The following CSMD1 variants were observed in gnomAD, a reference collection of about 807,000 sequenced individuals.
CSMD1 encodes the protein CUB and Sushi multiple domains 1.
CSMD1 carries 213 observed loss-of-function variants against 417.5 expected under a neutral mutation model. That is an observed-to-expected ratio of 0.51 (90% confidence interval 0.46 to 0.57). CSMD1 has a LOEUF of 0.57. Ranked by LOEUF, CSMD1 falls within the 20% of genes least tolerant of loss-of-function variation. CSMD1 has a pLI of 0.00. For synonymous variants in CSMD1, 2,862 were observed against 1,736.8 expected, an observed-to-expected ratio of 1.65 and a Z score of -16.11; for missense variants, 6,923 against 4,529.7, an observed-to-expected ratio of 1.53 and a Z score of -15.17.
chr8:3,562,766 T>C lies in CSMD1; in HGVS notation c.1344+12179A>G, dbSNP rs1799524247. The stretch of plus-strand genomic sequence containing the variant: ...AAAATAATAATAATACGGAGCCTAT[T>C]GGAGGGTGGAGGGTGGGAGGGGGAA... On this transcript the variant is annotated intron_variant, in intron 10 of 69. Transcript: ENST00000635120. Among the ~76,000 whole-genome samples the C allele has an allele frequency of 2.0e-5, 3 of 151,802 alleles. No homozygotes were observed. In the South Asian group the frequency reaches 6.2e-4, roughly 31 times the overall value.
intron 2 of CSMD1, among the ~76,000 whole-genome samples, chr8:4,511,813 T>G (rs1221182816): frequency 6.6e-6 from 1 of 152,152 alleles, no homozygotes; most frequent in African/African-American, 2.4e-5. Flanking sequence ...CTACACATTA[T>G]GAGTTTTACT....
chr8:3,276,689 CT>C (rs1563215612), intron 26 of CSMD1, among the ~76,000 whole-genome samples: 1 of 152,068 alleles, frequency 6.6e-6, no homozygotes, highest in East Asian at 1.9e-4. Flanking sequence ...TTATTAAAGG[CT>C]TTACTATGAA....
chr8:3,880,767 T>C (rs1289987468), intron 5 of CSMD1, among the ~76,000 whole-genome samples: 1 of 152,186 alleles, frequency 6.6e-6, no homozygotes, highest in Non-Finnish European at 1.5e-5. Context: ...CCAAAATTTG[T>C]CTCACGAAAA....
chr8:4,150,840 C>T (rs566276695), intron 3 of CSMD1, among the ~76,000 whole-genome samples: 1 of 151,834 alleles, frequency 6.6e-6, no homozygotes, highest in South Asian at 2.1e-4. Context: ...ACAGAATAAC[C>T]TTAACAATAT....
At chr8:3,150,292 G>A (rs193171117) in intron 40 of CSMD1, among the ~76,000 whole-genome samples, 202 of 152,318 alleles carry the variant, frequency 1.3e-3, no homozygotes, top group African/African-American at 4.8e-3. Flanking sequence ...ATCACTGGGA[G>A]GTGACGGACT....
At chr8:3,176,661 T>C (rs1820954044) in intron 37 of CSMD1, among the ~76,000 whole-genome samples, 1 of 152,178 alleles carries the variant, frequency 6.6e-6, no homozygotes, top group Non-Finnish European at 1.5e-5. Context: ...TCCCTCCCAC[T>C]TTAACAACGT....
At chr8:4,550,331 A>G (rs775331092) in intron 2 of CSMD1, among the ~76,000 whole-genome samples, 185 of 76,300 alleles carry the variant, frequency 2.4e-3, no homozygotes, top group Non-Finnish European at 3.6e-3. Flanking sequence ...ACACACACGC[A>G]CACACACACA....
At chr8:4,651,590 G>C (rs1803899272) in intron 1 of CSMD1, among the ~76,000 whole-genome samples, 1 of 152,106 alleles carries the variant, frequency 6.6e-6, no homozygotes, top group Admixed American at 6.5e-5. Context: ...TTAATATCCA[G>C]CTGTAAAATG....
At chr8:4,345,692 A>G (rs1800739445) in intron 3 of CSMD1, among the ~76,000 whole-genome samples, 1 of 152,112 alleles carries the variant, frequency 6.6e-6, no homozygotes, top group African/African-American at 2.4e-5. Flanking sequence ...TGGCCATGTA[A>G]TTTTTTTAAA....
chr8:4,660,280 C>T (rs947957095), intron 1 of CSMD1, among the ~76,000 whole-genome samples: 11 of 152,020 alleles, frequency 7.2e-5, no homozygotes, highest in African/African-American at 2.7e-4. Context: ...GTAACATGGA[C>T]AGAAGAGTTA....
chr8:3,078,033 G>C (rs529435683), intron 49 of CSMD1, among the ~76,000 whole-genome samples: 17 of 152,232 alleles, frequency 1.1e-4, no homozygotes, highest in African/African-American at 3.4e-4. Context: ...GAAATATTTT[G>C]AGTATTCCAT....
chr8:3,767,452 C>G (rs943023329), intron 5 of CSMD1, among the ~76,000 whole-genome samples: 58 of 152,354 alleles, frequency 3.8e-4, no homozygotes, highest in African/African-American at 1.4e-3. Context: ...CTACTGCAGA[C>G]TGCAAGCTGC....
chr8:4,798,816 C>T (rs754753991), intron 1 of CSMD1, among the ~76,000 whole-genome samples: 1 of 152,188 alleles, frequency 6.6e-6, no homozygotes, highest in Non-Finnish European at 1.5e-5. Flanking sequence ...GAAAAATAAT[C>T]ATTTTGGCTG....
At chr8:3,846,116 T>C (rs762492052) in intron 5 of CSMD1, among the ~76,000 whole-genome samples, 16 of 152,296 alleles carry the variant, frequency 1.1e-4, no homozygotes, top group South Asian at 4.2e-4. Context: ...ATAGTAATTA[T>C]ATAAACCAGT....
chr8:4,318,615 G>A (rs1314165785), intron 3 of CSMD1, among the ~76,000 whole-genome samples: 1 of 150,394 alleles, frequency 6.6e-6, no homozygotes, highest in Non-Finnish European at 1.5e-5. Flanking sequence ...TATTGAATTA[G>A]TAATTAAAAG....
chr8:3,595,500 G>A (rs767667895), intron 8 of CSMD1, among the ~76,000 whole-genome samples: 2 of 152,152 alleles, frequency 1.3e-5, no homozygotes, highest in African/African-American at 2.4e-5. Flanking sequence ...TCTCTAGCCT[G>A]AGGAAAGAAA....
At chr8:4,355,122 C>T (rs1161452972) in intron 3 of CSMD1, among the ~76,000 whole-genome samples, 9 of 151,730 alleles carry the variant, frequency 5.9e-5, no homozygotes, top group South Asian at 2.1e-4. Flanking sequence ...ATTAGCCGGG[C>T]GTGGTGGCGG....
At chr8:4,107,191 TG>T (rs1801612522) in intron 3 of CSMD1, among the ~76,000 whole-genome samples, 1 of 152,130 alleles carries the variant, frequency 6.6e-6, no homozygotes, top group Non-Finnish European at 1.5e-5. Flanking sequence ...ACAAAAAGGC[TG>T]AAAAACACTT....
chr8:3,842,172 C>A (rs928438508), intron 5 of CSMD1, among the ~76,000 whole-genome samples: 1 of 152,256 alleles, frequency 6.6e-6, no homozygotes, highest in East Asian at 1.9e-4. Flanking sequence ...CTTAAAAACT[C>A]GTTTTCCTAG....
Sources: gnomAD v4.1 joint callset for allele counts (sites outside exome capture counted in the v4.1 genomes callset) on GRCh38, gnomAD v4.1.1 for gene constraint, MANE v1.5 for transcripts, NCBI Gene and HGNC (gene_info 2026-07-23, HGNC 2026-07-21) for gene names.